The following OSTF1 variants were observed in gnomAD, a reference collection of about 807,000 sequenced individuals.
The protein encoded by OSTF1 is osteoclast-stimulating factor 1.
In OSTF1, 27 loss-of-function variants were observed where a neutral mutation model predicts 37.2. The ratio of observed to expected loss-of-function variants is 0.73; its 90% CI spans 0.54 to 1.00. The LOEUF (loss-of-function observed/expected upper bound fraction) is 1.00, where lower values mean the gene tolerates loss of function less well. Ranked by LOEUF, OSTF1 falls within the 50% of genes least tolerant of loss-of-function variation. OSTF1 has a pLI of 0.00. For missense variants in OSTF1, 232 were observed against 253.8 expected (o/e 0.91, Z 0.58); for synonymous variants, 82 against 89.2 (o/e 0.92, Z 0.46).
rs1587485783 is a variant in OSTF1 at position 75,146,820 on chromosome 9, G to T, written c.*79G>T. The T allele has an allele frequency of 9.8e-7, 1 of 1,022,250 alleles. No homozygotes were observed. Among genetic ancestry groups the T allele is most frequent in the East Asian group, 2.4e-5 (1 of 41,670 alleles). The allele number at this position is 1,022,250 out of a possible 1,614,324, so 63.3% of individuals were successfully genotyped here. On this transcript the variant is annotated 3_prime_UTR_variant, in exon 10 of 10. Coordinates refer to ENST00000346234, the MANE Select transcript of OSTF1 (RefSeq NM_012383.5). ...ACTTTGTCTTTGCCAGAAAAGTGTT[G>T]GTAACTATAAAGAAAATTATATATG...
chr9:75,094,309 A>C (rs1341657460), intron 1 of OSTF1, among the ~76,000 whole-genome samples: 1 of 152,120 alleles, frequency 6.6e-6, no homozygotes, highest in East Asian at 1.9e-4. Flanking sequence ...TTGTAACTGC[A>C]CAGCCACTAA....
chr9:75,128,646 A>C (rs562004569), intron 3 of OSTF1, among the ~76,000 whole-genome samples: 8 of 134,938 alleles, frequency 5.9e-5, no homozygotes, highest in African/African-American at 2.1e-4. Context: ...GAAATGGCCA[A>C]AAAAGGGTAA....
rs77925819 is a variant in OSTF1 at position 75,132,232 on chromosome 9, G to A, written c.250+409G>A. ...CCAGGTGAGTAACTGGAGGGCAAGA[G>A]AATGGAAGGGTCTGGTGGGTACAGC... On this transcript the variant is annotated intron_variant, in intron 5 of 9. Transcript: ENST00000346234. Among the ~76,000 whole-genome samples the A allele has an allele frequency of 8.1e-3, 1,233 of 152,310 alleles. 7 individuals carry two copies. The highest frequency in any genetic ancestry group is 0.015 in the Admixed American group (234 of 15,298).
rs1304016208 is a variant in OSTF1 at position 75,140,824 on chromosome 9, T to C, written c.488-10T>C. ...AAAGACACCTAATTGACTTTTCTTG[T>C]GTTGGGAAGGTGCTAGAACAGACTT... On this transcript the variant is annotated splice_polypyrimidine_tract_variant and intron_variant, in intron 8 of 9. Transcript: ENST00000346234. 1 of 1,604,454 alleles carries C rather than the reference T, an allele frequency of 6.2e-7. No individual in the cohort carries two copies. Among genetic ancestry groups the C allele is most frequent in the Non-Finnish European group, 8.5e-7 (1 of 1,171,684 alleles).
chr9:75,142,539 A>G (rs1267853585), intron 9 of OSTF1, among the ~76,000 whole-genome samples: 1 of 151,996 alleles, frequency 6.6e-6, no homozygotes, highest in Non-Finnish European at 1.5e-5. Context: ...ACTTTCTTAG[A>G]CCTCAGAGAG....
Position 75,137,532 on chromosome 9 carries a change from C to G in OSTF1, c.409-6C>G. On this transcript the variant is annotated splice_region_variant and splice_polypyrimidine_tract_variant and intron_variant, in intron 7 of 9. Coordinates refer to ENST00000346234, the MANE Select transcript of OSTF1 (RefSeq NM_012383.5). ...AAAATGGTACTTTCTCTTTTTATCACTATAGAACAAGTTGGGAGATACAGC... is the reference window on the plus strand; with the variant it reads ...AAAATGGTACTTTCTCTTTTTATCAGTATAGAACAAGTTGGGAGATACAGC... 1.9e-6 allele frequency: 3 copies of G among 1,587,336 alleles called. No homozygotes were observed. Among genetic ancestry groups the G allele is most frequent in the Admixed American group, 3.3e-5 (2 of 59,954 alleles).
Position 75,130,568 on chromosome 9 carries a change from C to G in OSTF1, c.133-10C>G, listed in dbSNP as rs1209903591. On this transcript the variant is annotated splice_polypyrimidine_tract_variant and intron_variant, in intron 3 of 9. Coordinates refer to ENST00000346234, the MANE Select transcript of OSTF1 (RefSeq NM_012383.5). The stretch of plus-strand genomic sequence containing the variant: ...TTTCATACCACTTAATTTAACTCTT[C>G]TTTTACCAGAGCGATACCAATTGGT... 6.3e-7 allele frequency: 1 copy of G among 1,592,526 alleles called. No homozygotes were observed. Among genetic ancestry groups the G allele is most frequent in the Admixed American group, 1.7e-5 (1 of 59,984 alleles).
chr9:75,116,038 A>C (rs1232249048), intron 1 of OSTF1, among the ~76,000 whole-genome samples: 4 of 152,098 alleles, frequency 2.6e-5, no homozygotes, highest in Admixed American at 2.6e-4. Context: ...TGGGAGGTGG[A>C]GGTTCCAGTG....
chr9:75,127,511 T>C, intron 2 of OSTF1, 58 bp from the exon 3 acceptor site: 1 of 941,750 alleles, frequency 1.1e-6, no homozygotes, highest in South Asian at 1.5e-5. Flanking sequence ...TGAATCTATA[T>C]AATCATATTC....
At chr9:75,092,741 AATTACCCTCAGAAC>A (rs907947826) in intron 1 of OSTF1, among the ~76,000 whole-genome samples, 5 of 152,170 alleles carry the variant, frequency 3.3e-5, no homozygotes, top group Non-Finnish European at 4.4e-5. Flanking sequence ...AAATAAAAAC[AATTACCCTCAGAAC>A]AGCGTCTCAG....
At chr9:75,103,883 C>T (rs533679852) in intron 1 of OSTF1, among the ~76,000 whole-genome samples, 23 of 152,174 alleles carry the variant, frequency 1.5e-4, no homozygotes, top group Non-Finnish European at 3.4e-4. Flanking sequence ...AATCCTCCCG[C>T]CTCAGCCTCC....
At chr9:75,108,734 T>C (rs1825333811) in intron 1 of OSTF1, among the ~76,000 whole-genome samples, 1 of 152,100 alleles carries the variant, frequency 6.6e-6, no homozygotes, top group Non-Finnish European at 1.5e-5. Flanking sequence ...TTGACCTCAG[T>C]TGGTTCCTAT....
At chr9:75,124,655 A>G (rs1341721477) in intron 2 of OSTF1, among the ~76,000 whole-genome samples, 1 of 152,116 alleles carries the variant, frequency 6.6e-6, no homozygotes, top group Admixed American at 6.5e-5. Flanking sequence ...CCACAGATCA[A>G]CCCTGTACCC....
chr9:75,136,881 C>A (rs1314942038), intron 7 of OSTF1, among the ~76,000 whole-genome samples: 1 of 152,150 alleles, frequency 6.6e-6, no homozygotes, highest in Non-Finnish European at 1.5e-5. Flanking sequence ...CAGAGAAGTG[C>A]CCTCCAGTCT....
chr9:75,133,595 A>G (rs567267451), intron 6 of OSTF1, among the ~76,000 whole-genome samples, 194 bp downstream of exon 6: 1 of 152,296 alleles, frequency 6.6e-6, no homozygotes, highest in East Asian at 1.9e-4. Context: ...GCCTCACTGC[A>G]TGGGTCCCTC....
intron 1 of OSTF1, among the ~76,000 whole-genome samples, chr9:75,096,091 C>G (rs1247769496): frequency 6.6e-6 from 1 of 152,128 alleles, no homozygotes; most frequent in African/African-American, 2.4e-5. Context: ...CAGGGTTTCA[C>G]CGTGTTAGCC....
chr9:75,101,746 T>C (rs2118422310), intron 1 of OSTF1, among the ~76,000 whole-genome samples: 1 of 152,344 alleles, frequency 6.6e-6, no homozygotes, highest in South Asian at 2.1e-4. Flanking sequence ...ACTTGGCCCC[T>C]GTGTATCTGT....
At chr9:75,136,743 C>T (rs1186827003) in intron 7 of OSTF1, among the ~76,000 whole-genome samples, 2 of 152,094 alleles carry the variant, frequency 1.3e-5, no homozygotes, top group Non-Finnish European at 2.9e-5. Context: ...CTTGGTGAGG[C>T]CTGCTGGCGG....
chr9:75,143,468 C>T lies in OSTF1; in HGVS notation c.586+2536C>T, dbSNP rs955235337. Among the ~76,000 whole-genome samples the T allele has an allele frequency of 5.3e-5, 8 of 152,180 alleles. No individual in the cohort carries two copies. The East Asian group carries it at 5.8e-4, about 11-fold the overall frequency. Reference sequence around the variant, plus strand: ...ATGAAGCTAGAGAACAGTTCCCACACGCCACATGCCTCCCTCAGTGTCTTC... The same window carrying T: ...ATGAAGCTAGAGAACAGTTCCCACATGCCACATGCCTCCCTCAGTGTCTTC... On this transcript the variant is annotated intron_variant, in intron 9 of 9. Coordinates refer to ENST00000346234, the MANE Select transcript of OSTF1 (RefSeq NM_012383.5).
Sources: allele counts gnomAD v4.1 joint callset (sites outside exome capture counted in the v4.1 genomes callset), GRCh38; gene constraint gnomAD v4.1.1; transcripts MANE v1.5; gene names NCBI Gene and HGNC (gene_info 2026-07-23, HGNC 2026-07-21).